The following SHQ1 variants were observed in gnomAD, a reference collection of about 807,000 sequenced individuals.
SHQ1 encodes the protein SHQ1, H/ACA ribonucleoprotein assembly factor.
A neutral mutation model predicts 53.8 loss-of-function variants in SHQ1; 49 were observed. That is an observed-to-expected ratio of 0.91 (90% CI 0.72 to 1.16). SHQ1 has a LOEUF of 1.16. SHQ1 is among the 50% of genes most tolerant of loss of function. SHQ1 has a pLI of 0.00. For missense variants in SHQ1, 738 were observed against 683.1 expected (o/e 1.08, Z -0.90); for synonymous variants, 243 against 251.0 (o/e 0.97, Z 0.30).
intron 5 of SHQ1, among the ~76,000 whole-genome samples, chr3:72,831,513 T>G (rs1707819399): frequency 6.6e-6 from 1 of 152,252 alleles, no homozygotes; most frequent in Non-Finnish European, 1.5e-5. Context: ...GTGCACTTTA[T>G]AAGCTGCAGG....
the SHQ1 span, among the ~76,000 whole-genome samples, chr3:72,742,888 G>A: frequency 2.0e-5 from 3 of 152,014 alleles, no homozygotes; most frequent in East Asian, 1.9e-4. Context: ...CACCTGCCTC[G>A]GCCTCCCAAA....
At chr3:72,763,062 C>CTG (rs1553689147) in intron 10 of SHQ1, among the ~76,000 whole-genome samples, 862 of 76,256 alleles carry the variant, frequency 0.011, 10 homozygotes, top group African/African-American at 0.031. Context: ...CACACACACA[C>CTG]AGAGAGAGAG....
chr3:72,753,432 A>G (rs1371101402), intron 10 of SHQ1: 10 of 985,276 alleles, frequency 1.0e-5, no homozygotes, highest in Non-Finnish European at 1.2e-5. Flanking sequence ...TATTTCTCAA[A>G]GTACTCAGCA....
intron 2 of SHQ1, among the ~76,000 whole-genome samples, chr3:72,843,537 C>T (rs907257649): frequency 2.0e-5 from 3 of 152,186 alleles, no homozygotes; most frequent in Admixed American, 2.0e-4. Context: ...GAACTGAATT[C>T]CAACATATCA....
chr3:72,773,490 AAAAAAAAG>A, intron 10 of SHQ1: 1 of 263,522 alleles, frequency 3.8e-6, no homozygotes, highest in South Asian at 4.7e-5. Context: ...GCTTAAAAAA[AAAAAAAAG>A]AAAAAAAAGA....
intron 10 of SHQ1, among the ~76,000 whole-genome samples, chr3:72,764,726 A>T (rs946914255): frequency 6.6e-6 from 1 of 152,214 alleles, no homozygotes; most frequent in South Asian, 2.1e-4. Context: ...AGGTCTCTGA[A>T]CAGGAGTCTT....
intron 10 of SHQ1, among the ~76,000 whole-genome samples, chr3:72,778,692 T>C (rs897399584): frequency 6.6e-6 from 1 of 152,052 alleles, no homozygotes; most frequent in African/African-American, 2.4e-5. Flanking sequence ...CTGAACCCAG[T>C]AGTTCATTAA....
chr3:72,766,612 C>G (rs1403819210), intron 10 of SHQ1, among the ~76,000 whole-genome samples: 4 of 152,294 alleles, frequency 2.6e-5, no homozygotes, highest in Non-Finnish European at 4.4e-5. Context: ...CTACAACTTA[C>G]CTCTTCTAAG....
At chr3:72,748,971 G>GCA (rs34002344), downstream of SHQ1, among the ~76,000 whole-genome samples, 16,851 of 144,034 alleles carry the variant, frequency 0.12, 2,046 homozygotes, top group African/African-American at 0.31. Flanking sequence ...ACACGCACAC[G>GCA]CACACACACA....
In SHQ1 at chr3:72,848,408, C is replaced by G; in HGVS notation, c.-68G>C. On this transcript the variant is annotated 5_prime_UTR_variant, in exon 1 of 11. Transcript: ENST00000325599. ...CCGCCGCGTTCCCGCCACGCAAACTCTCCAACTCCCCACGCGCAGGAACTC... is the reference window on the plus strand; with the variant it reads ...CCGCCGCGTTCCCGCCACGCAAACTGTCCAACTCCCCACGCGCAGGAACTC... 1.3e-6 allele frequency: 2 copies of G among 1,590,782 alleles called. No individual in the cohort carries two copies. The highest frequency in any genetic ancestry group is 1.1e-5 in the South Asian group (1 of 89,298).
chr3:72,845,779 C>G (rs1270486092), intron 1 of SHQ1, among the ~76,000 whole-genome samples: 3 of 152,138 alleles, frequency 2.0e-5, no homozygotes, highest in Non-Finnish European at 2.9e-5. Flanking sequence ...ACAAAAACAG[C>G]TGACAGTCCC....
chr3:72,765,649 A>C (rs1296468039), intron 10 of SHQ1, among the ~76,000 whole-genome samples: 2 of 147,800 alleles, frequency 1.4e-5, no homozygotes, highest in Non-Finnish European at 1.5e-5. Flanking sequence ...CGCCTCCCAG[A>C]TTCAAGCAGT....
downstream of SHQ1, among the ~76,000 whole-genome samples, chr3:72,747,623 G>C: frequency 6.6e-6 from 1 of 152,324 alleles, no homozygotes; most frequent in East Asian, 1.9e-4. Flanking sequence ...GCTCCAGAGA[G>C]GAGAGAGCTG....
downstream of SHQ1, among the ~76,000 whole-genome samples, chr3:72,748,329 C>CAAAAAAAAA (rs572927520): frequency 7.0e-4 from 41 of 58,782 alleles, 7 homozygotes; most frequent in Non-Finnish European, 7.6e-4. Context: ...ATGAGGCATG[C>CAAAAAAAAA]AAAAAAAAAA....
At chr3:72,758,774 G>A (rs774134096) in intron 10 of SHQ1, among the ~76,000 whole-genome samples, 20 of 151,990 alleles carry the variant, frequency 1.3e-4, no homozygotes, top group Non-Finnish European at 2.8e-4. Context: ...TCACCATGTT[G>A]GCCAGGCTGG....
chr3:72,789,095 A>AG (rs1289555626), intron 10 of SHQ1, among the ~76,000 whole-genome samples: 26 of 152,274 alleles, frequency 1.7e-4, no homozygotes, highest in Admixed American at 1.5e-3. Context: ...AAAAAAAAAA[A>AG]AAAGAAAAAT....
chr3:72,791,401 C>G (rs986080580), intron 10 of SHQ1, among the ~76,000 whole-genome samples: 6 of 152,206 alleles, frequency 3.9e-5, no homozygotes, highest in African/African-American at 1.2e-4. Context: ...GCTGACACCA[C>G]CTGCTGTATG....
intron 9 of SHQ1, among the ~76,000 whole-genome samples, chr3:72,797,115 G>A (rs918499562): frequency 1.6e-4 from 25 of 151,680 alleles, no homozygotes; most frequent in African/African-American, 2.4e-4. Context: ...AAAATTAGCC[G>A]GGCATGATAG....
chr3:72,824,697 T>TAG, intron 5 of SHQ1, 146 bp from the exon 6 acceptor site: 1 of 967,880 alleles, frequency 1.0e-6, no homozygotes, highest in Non-Finnish European at 1.4e-6. Context: ...TATATTTACT[T>TAG]TCTTTGTAGT....
Sources: allele counts gnomAD v4.1 joint callset (sites outside exome capture counted in the v4.1 genomes callset), GRCh38; gene constraint gnomAD v4.1.1; transcripts MANE v1.5; gene names NCBI Gene and HGNC (gene_info 2026-07-23, HGNC 2026-07-21).